Variants in SCAPER observed in about 807,000 individuals in gnomAD.
SCAPER encodes the protein S phase cyclin A-associated protein in the endoplasmic reticulum.
SCAPER carries 98 observed loss-of-function variants against 182.2 expected under a neutral mutation model. That is an observed-to-expected ratio of 0.54 (90% CI 0.46 to 0.64). The LOEUF (loss-of-function observed/expected upper bound fraction) is 0.64, where lower values mean the gene tolerates loss of function less well. SCAPER is among the 30% of genes least tolerant of loss of function. The pLI, the probability that SCAPER is intolerant of heterozygous loss-of-function variation, is 0.00. For missense variants in SCAPER, 1,432 were observed against 1,690.0 expected (o/e 0.85, Z 2.68); for synonymous variants, 605 against 564.6 (o/e 1.07, Z -1.01).
At chr15:76,833,374 G>A (rs917260675) in intron 5 of SCAPER, among the ~76,000 whole-genome samples, 3 of 152,138 alleles carry the variant, frequency 2.0e-5, no homozygotes, top group African/African-American at 4.8e-5. Flanking sequence ...GGTCCCTAAG[G>A]GAGTGCTAAA....
chr15:76,825,991 C>T lies in SCAPER; in HGVS notation c.393+15743G>A, dbSNP rs1223919163. Among the ~76,000 whole-genome samples, 5 of 152,274 alleles carry T rather than the reference C, an allele frequency of 3.3e-5. No homozygotes were observed. In the South Asian group the frequency reaches 1.0e-3, roughly 32 times the overall value. On this transcript the variant is annotated intron_variant, in intron 5 of 31. Coordinates refer to ENST00000563290, the MANE Select transcript of SCAPER (RefSeq NM_020843.4). ...AACTCCTGACCTTAGGTGATCCACC[C>T]ACATCGGCCTCCCAAAAGTGCTGGG... is the stretch of plus-strand genomic sequence containing the variant.
intron 2 of SCAPER, among the ~76,000 whole-genome samples, chr15:76,880,579 T>C (rs2073468445): frequency 6.6e-6 from 1 of 152,164 alleles, no homozygotes; most frequent in African/African-American, 2.4e-5. Flanking sequence ...ACATATTCCT[T>C]AGAGTCACAA....
intron 22 of SCAPER, among the ~76,000 whole-genome samples, chr15:76,616,602 T>C (rs1321928017): frequency 6.6e-6 from 1 of 152,114 alleles, no homozygotes; most frequent in African/African-American, 2.4e-5. Context: ...GTATTAATAA[T>C]GAGTAAGATA....
chr15:76,793,265 A>C (rs1313180487), intron 8 of SCAPER: 1 of 968,534 alleles, frequency 1.0e-6, no homozygotes, highest in Non-Finnish European at 1.6e-6. Flanking sequence ...TTTGGTCTTC[A>C]TCTCAAGTCT....
intron 20 of SCAPER, among the ~76,000 whole-genome samples, chr15:76,681,710 C>A (rs1014334771): frequency 6.6e-6 from 1 of 152,150 alleles, no homozygotes; most frequent in Non-Finnish European, 1.5e-5. Context: ...CCTCTTCTCT[C>A]CACAGATCCC....
chr15:76,661,355 T>C (rs1360686186), intron 21 of SCAPER, among the ~76,000 whole-genome samples: 1 of 152,190 alleles, frequency 6.6e-6, no homozygotes, highest in Admixed American at 6.5e-5. Flanking sequence ...AAAGAGCTTC[T>C]GCATAGCAAA....
At chr15:76,901,463 A>G (rs549197222) in intron 1 of SCAPER, among the ~76,000 whole-genome samples, 1 of 152,348 alleles carries the variant, frequency 6.6e-6, no homozygotes, top group Admixed American at 6.5e-5. Context: ...GACAAATTAA[A>G]TATGATGTCT....
chr15:76,805,820 G>A (rs551735027), intron 5 of SCAPER, among the ~76,000 whole-genome samples: 4 of 152,180 alleles, frequency 2.6e-5, no homozygotes, highest in African/African-American at 9.6e-5. Context: ...ACCTGCTTCG[G>A]CCTCCCAAAG....
At position 76,610,001 on chromosome 15, in the gene SCAPER, T is replaced by C. The variant is rs2050836543; in HGVS notation, c.2711+11763A>G. On this transcript the variant is annotated intron_variant, in intron 22 of 31. Transcript: ENST00000563290. ...GGTTAGGCTCTGGTGAAATAGTTTT[T>C]TCTTTCCTGAGGGCAGGGCTTGGTA... 2.0e-5 allele frequency among the ~76,000 whole-genome samples: 3 copies of C among 152,200 alleles called. No homozygotes were observed. The South Asian group carries it at 6.2e-4, about 32-fold the overall frequency.
At chr15:76,734,675 A>AC (rs1175521389) in intron 15 of SCAPER, among the ~76,000 whole-genome samples, 11 of 151,958 alleles carry the variant, frequency 7.2e-5, no homozygotes, top group African/African-American at 2.7e-4. Context: ...CAGGAGTGCA[A>AC]GCTAGCCTGG....
Position 76,725,253 on chromosome 15 carries a change from A to C in SCAPER, c.2165+3342T>G, listed in dbSNP as rs189106741. ...AAGATGAGAAAAACAGATGCAATGAAAACTACAAAACATTGTTGAAAGGAA... is the reference window on the plus strand; with the variant it reads ...AAGATGAGAAAAACAGATGCAATGACAACTACAAAACATTGTTGAAAGGAA... On this transcript the variant is annotated intron_variant, in intron 17 of 31. Transcript: ENST00000563290. Among the ~76,000 whole-genome samples the C allele has an allele frequency of 2.2e-3, 337 of 152,258 alleles. 1 individual carries two copies. The highest frequency in any genetic ancestry group is 7.8e-3 in the African/African-American group (323 of 41,560).
chr15:76,733,427 C>A, intron 15 of SCAPER, 43 bp from the exon 16 acceptor site: 2 of 1,587,084 alleles, frequency 1.3e-6, no homozygotes, highest in Non-Finnish European at 8.5e-7. Context: ...CAAGTTAATT[C>A]TAGGGCACAT....
chr15:76,722,264 C>T (rs553690170), intron 17 of SCAPER, among the ~76,000 whole-genome samples: 4 of 152,172 alleles, frequency 2.6e-5, no homozygotes, highest in Middle Eastern at 3.4e-3. Context: ...GCCTTGCATC[C>T]CAGGGATGAA....
chr15:76,507,772 ATT>A (rs1351272747), intron 23 of SCAPER, among the ~76,000 whole-genome samples: 2 of 152,182 alleles, frequency 1.3e-5, no homozygotes, highest in African/African-American at 2.4e-5. Flanking sequence ...AAAATTAATA[ATT>A]TTGTTATTAA....
chr15:76,688,267 C>T (rs1184892383), intron 20 of SCAPER, among the ~76,000 whole-genome samples: 2 of 152,170 alleles, frequency 1.3e-5, no homozygotes, highest in Admixed American at 6.5e-5. Flanking sequence ...ATATCCTCCG[C>T]CCACTTTTTG....
chr15:76,799,609 A>T (rs1457490945), intron 7 of SCAPER, among the ~76,000 whole-genome samples: 1 of 152,028 alleles, frequency 6.6e-6, no homozygotes, highest in Non-Finnish European at 1.5e-5. Context: ...CCCTTGGTAA[A>T]CCCAGCTCTT....
chr15:76,638,558 T>G (rs1323568433), intron 21 of SCAPER, among the ~76,000 whole-genome samples: 1 of 152,204 alleles, frequency 6.6e-6, no homozygotes, highest in Non-Finnish European at 1.5e-5. Flanking sequence ...GTTAAGAGGT[T>G]TTTCTGTTGA....
chr15:76,420,818 T>G (rs1227177331), intron 26 of SCAPER, among the ~76,000 whole-genome samples: 7 of 152,208 alleles, frequency 4.6e-5, no homozygotes, highest in Admixed American at 6.5e-5. Flanking sequence ...CCCCTTCCTG[T>G]GTCCAAGTGT....
intron 27 of SCAPER, among the ~76,000 whole-genome samples, chr15:76,400,368 A>G (rs529888807): frequency 3.8e-4 from 58 of 152,292 alleles, no homozygotes; most frequent in Non-Finnish European, 6.8e-4. Flanking sequence ...AAACCACACT[A>G]CCTTTCCTCT....
Sources: gnomAD v4.1 joint callset for allele counts (sites outside exome capture counted in the v4.1 genomes callset) on GRCh38, gnomAD v4.1.1 for gene constraint, MANE v1.5 for transcripts, NCBI Gene and HGNC (gene_info 2026-07-23, HGNC 2026-07-21) for gene names.